The following IQCM variants were observed in gnomAD, a reference collection of about 807,000 sequenced individuals.
The protein encoded by IQCM is IQ domain-containing protein M.
In IQCM, 45 loss-of-function variants were observed where a neutral mutation model predicts 57.6. That is an observed-to-expected ratio of 0.78 (90% confidence interval 0.62 to 1.00). The LOEUF is 1.00. Ranked by LOEUF, IQCM falls within the 50% of genes least tolerant of loss-of-function variation. IQCM has a pLI of 0.00. For missense variants in IQCM, 468 were observed against 511.6 expected, an observed-to-expected ratio of 0.91 and a Z score of 0.82; for synonymous variants, 148 against 158.9, an observed-to-expected ratio of 0.93 and a Z score of 0.51.
intron 13 of IQCM, among the ~76,000 whole-genome samples, chr4:149,358,580 T>G (rs1352072192): frequency 6.6e-6 from 1 of 152,150 alleles, no homozygotes; most frequent in African/African-American, 2.4e-5. Context: ...TAATCCTCAT[T>G]TTTGTCATAT....
intron 3 of IQCM, among the ~76,000 whole-genome samples, chr4:149,740,419 A>G (rs1235806322): frequency 6.6e-6 from 1 of 152,180 alleles, no homozygotes; most frequent in African/African-American, 2.4e-5. Flanking sequence ...TGCTAGAAAA[A>G]ATGTGTAAAT....
At position 149,664,033 on chromosome 4, in the gene IQCM, A is replaced by T. The variant is rs1450682084; in HGVS notation, c.565+18085T>A. 2.0e-5 allele frequency among the ~76,000 whole-genome samples: 3 copies of T among 152,008 alleles called. No individual in the cohort carries two copies. The East Asian group carries it at 5.8e-4, about 29-fold the overall frequency. Reference sequence around the variant, plus strand: ...TGTTTGATTCTTTTTCCTCTGGATTATTTTGAAAGCAAGTTTATAAATTTT... The same window carrying T: ...TGTTTGATTCTTTTTCCTCTGGATTTTTTTGAAAGCAAGTTTATAAATTTT... On this transcript the variant is annotated intron_variant, in intron 7 of 13. Coordinates refer to ENST00000636793, the MANE Select transcript of IQCM (RefSeq NM_001363507.2).
chr4:149,553,105 A>G (rs1749189361), intron 11 of IQCM, 38 bp downstream of exon 11: 1 of 1,228,182 alleles, frequency 8.1e-7, no homozygotes, highest in Admixed American at 4.2e-5. Flanking sequence ...AATTAACTCC[A>G]AACTTAAATT....
At chr4:149,572,212 C>A (rs766518810) in intron 9 of IQCM, among the ~76,000 whole-genome samples, 4 of 151,990 alleles carry the variant, frequency 2.6e-5, no homozygotes, top group African/African-American at 4.8e-5. Context: ...CACATTATTT[C>A]AGGTTTATAC....
chr4:149,571,624 C>T (rs1033451550), intron 9 of IQCM, among the ~76,000 whole-genome samples: 7 of 151,900 alleles, frequency 4.6e-5, no homozygotes, highest in Non-Finnish European at 8.8e-5. Flanking sequence ...ATGTTAAGAG[C>T]GTGGACATAA....
chr4:149,752,965 TA>T (rs756784799), intron 2 of IQCM, among the ~76,000 whole-genome samples: 1,951 of 152,258 alleles, frequency 0.013, 31 homozygotes, highest in Admixed American at 0.046. Flanking sequence ...AGGTTTGAAA[TA>T]TCACTATCAA....
intron 8 of IQCM, among the ~76,000 whole-genome samples, chr4:149,601,936 C>T (rs996054225): frequency 4.7e-5 from 7 of 149,628 alleles, no homozygotes; most frequent in Admixed American, 2.0e-4. Context: ...CGCCTGTAGT[C>T]TGAGCTACTT....
chr4:149,733,185 A>G (rs1446282248), intron 5 of IQCM, 59 bp downstream of exon 5: 2 of 1,211,268 alleles, frequency 1.7e-6, no homozygotes, highest in Non-Finnish European at 2.1e-6. Context: ...CAGGCACATA[A>G]GAAACAAATA....
intron 7 of IQCM, among the ~76,000 whole-genome samples, chr4:149,631,670 T>G (rs1401431409): frequency 2.0e-5 from 3 of 152,234 alleles, no homozygotes; most frequent in African/African-American, 7.2e-5. Flanking sequence ...GCTTTTGGTT[T>G]GATCAATTTT....
intron 12 of IQCM, among the ~76,000 whole-genome samples, chr4:149,442,634 T>C (rs543165499): frequency 1.2e-4 from 18 of 152,132 alleles, no homozygotes; most frequent in African/African-American, 4.3e-4. Flanking sequence ...GGCTCTCAAT[T>C]GTAGCATCTT....
Position 149,696,555 on chromosome 4 carries a change from C to G in IQCM, c.386-10087G>C, listed in dbSNP as rs145954959. 5.3e-5 allele frequency among the ~76,000 whole-genome samples: 8 copies of G among 152,296 alleles called. No individual in the cohort carries two copies. In the East Asian group the frequency reaches 1.5e-3, roughly 29 times the overall value. Reference sequence around the variant, plus strand: ...AAACTTTATTCTCCAGCCCACATCTCTCCTCAAAATTTCAGACTTATGTAT... The same window carrying G: ...AAACTTTATTCTCCAGCCCACATCTGTCCTCAAAATTTCAGACTTATGTAT... On this transcript the variant is annotated intron_variant, in intron 5 of 13. Transcript: ENST00000636793.
intron 13 of IQCM, among the ~76,000 whole-genome samples, chr4:149,381,483 G>C (rs752428705): frequency 6.6e-6 from 1 of 151,702 alleles, no homozygotes; most frequent in Non-Finnish European, 1.5e-5. Flanking sequence ...TTCCAATTAC[G>C]TAGGCGTCTC....
At chr4:149,534,377 T>A (rs1488823528) in intron 12 of IQCM, among the ~76,000 whole-genome samples, 1 of 152,148 alleles carries the variant, frequency 6.6e-6, no homozygotes, top group Non-Finnish European at 1.5e-5. Flanking sequence ...TAGGAAGTTG[T>A]TAATGCCGAT....
At chr4:149,798,375 T>C (rs1489306777) in intron 2 of IQCM, among the ~76,000 whole-genome samples, 1 of 151,834 alleles carries the variant, frequency 6.6e-6, no homozygotes, top group African/African-American at 2.4e-5. Flanking sequence ...AGAAACTAAA[T>C]TGTGTCACCA....
At chr4:149,541,196 TGGTCTGA>T (rs1205186148) in intron 12 of IQCM, among the ~76,000 whole-genome samples, 1 of 152,142 alleles carries the variant, frequency 6.6e-6, no homozygotes, top group African/African-American at 2.4e-5. Flanking sequence ...GACAAAGCTG[TGGTCTGA>T]GGAACAGGAG....
chr4:149,644,969 T>C (rs1051441464), intron 7 of IQCM, among the ~76,000 whole-genome samples: 2 of 152,198 alleles, frequency 1.3e-5, no homozygotes, highest in African/African-American at 4.8e-5. Flanking sequence ...CTGCCAGTCT[T>C]TTAGATCTAT....
chr4:149,539,935 G>C (rs181558289), intron 12 of IQCM, among the ~76,000 whole-genome samples: 1 of 152,244 alleles, frequency 6.6e-6, no homozygotes, highest in East Asian at 1.9e-4. Flanking sequence ...GTGCCAATAA[G>C]TCCAATGGAT....
intron 11 of IQCM, among the ~76,000 whole-genome samples, chr4:149,551,629 G>A (rs1165383198): frequency 1.3e-5 from 2 of 152,118 alleles, no homozygotes; most frequent in Non-Finnish European, 2.9e-5. Context: ...TGTGGTCAGT[G>A]TAATAACTGT....
chr4:149,683,282 T>C (rs1193676311), intron 6 of IQCM, among the ~76,000 whole-genome samples: 1 of 151,264 alleles, frequency 6.6e-6, no homozygotes, highest in Non-Finnish European at 1.5e-5. Context: ...CTGTATTTCC[T>C]TGTGTTACTA....
Sources: gnomAD v4.1 joint callset for allele counts (sites outside exome capture counted in the v4.1 genomes callset) on GRCh38, gnomAD v4.1.1 for gene constraint, MANE v1.5 for transcripts, NCBI Gene and HGNC (gene_info 2026-07-23, HGNC 2026-07-21) for gene names.